The following NME7 variants were observed in gnomAD, a reference collection of about 807,000 sequenced individuals.
NME7 encodes nucleoside diphosphate kinase 7.
In NME7, 41 loss-of-function variants were observed where a neutral mutation model predicts 49.1. That is an observed-to-expected ratio of 0.83 (90% CI 0.65 to 1.08). The LOEUF (loss-of-function observed/expected upper bound fraction) is 1.08. Ranked by LOEUF, NME7 falls within the 50% of genes least tolerant of loss-of-function variation. The pLI, the probability that NME7 is intolerant of heterozygous loss-of-function variation, is 0.00. For synonymous variants in NME7, 139 were observed against 150.6 expected (o/e 0.92, Z 0.56); for missense variants, 423 against 463.4 (o/e 0.91, Z 0.80).
At chr1:169,279,347 C>T (rs36179730) in intron 7 of NME7, among the ~76,000 whole-genome samples, 10,655 of 152,244 alleles carry the variant, frequency 0.07, 1,481 homozygotes, top group East Asian at 0.66. Context: ...CCACCCAGTT[C>T]GAGCTTCCAG....
chr1:169,329,630 T>C (rs577382009), intron 1 of NME7, among the ~76,000 whole-genome samples: 9 of 151,980 alleles, frequency 5.9e-5, no homozygotes, highest in Non-Finnish European at 1.2e-4. Context: ...AGACAGGTTA[T>C]TTGAAAATAC....
intron 11 of NME7, among the ~76,000 whole-genome samples, chr1:169,134,746 A>G (rs1658374501): frequency 6.6e-6 from 1 of 152,162 alleles, no homozygotes; most frequent in South Asian, 2.1e-4. Flanking sequence ...TTTTCCATTT[A>G]TAGCAGTAAA....
intron 10 of NME7, among the ~76,000 whole-genome samples, chr1:169,188,584 A>G (rs1302870283): frequency 6.6e-6 from 1 of 152,354 alleles, no homozygotes; most frequent in Middle Eastern, 3.4e-3. Context: ...GCATGTGGAC[A>G]TACAATAACC....
intron 10 of NME7, among the ~76,000 whole-genome samples, chr1:169,219,062 T>C (rs1661063092): frequency 6.6e-6 from 1 of 152,174 alleles, no homozygotes; most frequent in Non-Finnish European, 1.5e-5. Flanking sequence ...CTTTCCTTCT[T>C]TGCCAAGCCA....
At chr1:169,338,717 T>C (rs1395295896) in intron 1 of NME7, among the ~76,000 whole-genome samples, 1 of 152,314 alleles carries the variant, frequency 6.6e-6, no homozygotes, top group East Asian at 1.9e-4. Flanking sequence ...TTATGAAGTC[T>C]TCCCAGACCA....
At chr1:169,206,211 A>G (rs1177365409) in intron 10 of NME7, among the ~76,000 whole-genome samples, 1 of 152,120 alleles carries the variant, frequency 6.6e-6, no homozygotes, top group Non-Finnish European at 1.5e-5. Flanking sequence ...CTGTGAAGAT[A>G]GATTTTATTG....
intron 1 of NME7, among the ~76,000 whole-genome samples, chr1:169,367,268 T>TG (rs1439704483): frequency 9.2e-5 from 14 of 152,104 alleles, no homozygotes; most frequent in Non-Finnish European, 2.9e-5. Context: ...CGTGGGGGCG[T>TG]GGGGCAGTGC....
chr1:169,195,089 A>T (rs553771284), intron 10 of NME7, among the ~76,000 whole-genome samples: 8 of 152,358 alleles, frequency 5.3e-5, no homozygotes, highest in African/African-American at 1.9e-4. Flanking sequence ...CATTATATGC[A>T]ATTATAATTT....
intron 7 of NME7, among the ~76,000 whole-genome samples, chr1:169,248,314 C>A (rs1356623728): frequency 6.6e-6 from 1 of 151,896 alleles, no homozygotes; most frequent in Non-Finnish European, 1.5e-5. Flanking sequence ...TATTTGCCCA[C>A]ATTTTGATGG....
intron 10 of NME7, among the ~76,000 whole-genome samples, chr1:169,228,886 C>A (rs1043151590): frequency 2.0e-5 from 3 of 152,134 alleles, no homozygotes; most frequent in African/African-American, 7.2e-5. Context: ...ACAGAGTCAC[C>A]TTGTAATCAT....
chr1:169,148,052 G>C (rs1469710751), intron 11 of NME7, among the ~76,000 whole-genome samples: 1 of 151,796 alleles, frequency 6.6e-6, no homozygotes, highest in Non-Finnish European at 1.5e-5. Context: ...GCCCAGGCTG[G>C]AGTGCAGTGC....
chr1:169,205,941 T>C (rs910024132), intron 10 of NME7, among the ~76,000 whole-genome samples: 1 of 152,120 alleles, frequency 6.6e-6, no homozygotes, highest in Non-Finnish European at 1.5e-5. Flanking sequence ...CTAAGCATAC[T>C]CCAGCTTTGG....
intron 1 of NME7, among the ~76,000 whole-genome samples, chr1:169,346,140 C>T (rs1207185226): frequency 2.6e-5 from 4 of 152,184 alleles, no homozygotes; most frequent in African/African-American, 9.7e-5. Flanking sequence ...AACCTCTCTA[C>T]TTCCATCTTT....
chr1:169,303,500 A>AGTGCAGT (rs1651048291), intron 4 of NME7: 1 of 154,316 alleles, frequency 6.5e-6, no homozygotes, highest in African/African-American at 2.7e-5. Context: ...CCCAGGCCAG[A>AGTGCAGT]GTGCAGTGGC....
At chr1:169,312,993 G>A (rs1200789314) in intron 3 of NME7, among the ~76,000 whole-genome samples, 1 of 152,104 alleles carries the variant, frequency 6.6e-6, no homozygotes, top group Non-Finnish European at 1.5e-5. Context: ...AGCATAAAGT[G>A]TATATCTGCC....
chr1:169,237,151 C>T (rs759589951), intron 8 of NME7, among the ~76,000 whole-genome samples: 7 of 151,968 alleles, frequency 4.6e-5, no homozygotes, highest in Non-Finnish European at 7.4e-5. Flanking sequence ...CTAGAATACA[C>T]TAACTCCAAA....
intron 7 of NME7, among the ~76,000 whole-genome samples, chr1:169,250,050 C>T (rs760141815): frequency 2.7e-4 from 41 of 151,998 alleles, no homozygotes; most frequent in Non-Finnish European, 5.3e-4. Context: ...TAGGATTGGT[C>T]CCAGTTCTCT....
intron 6 of NME7, among the ~76,000 whole-genome samples, chr1:169,295,286 T>C (rs774083383): frequency 1.3e-4 from 20 of 152,162 alleles, no homozygotes; most frequent in Non-Finnish European, 1.3e-4. Flanking sequence ...CACTACAAGA[T>C]ATGCTAAAAT....
At chr1:169,334,899 G>C (rs1652399121) in intron 1 of NME7, among the ~76,000 whole-genome samples, 1 of 151,900 alleles carries the variant, frequency 6.6e-6, no homozygotes, top group South Asian at 2.1e-4. Context: ...TCCAAAAGTG[G>C]GCAAAGGATA....
Sources: gnomAD v4.1 joint callset for allele counts (sites outside exome capture counted in the v4.1 genomes callset) on GRCh38, gnomAD v4.1.1 for gene constraint, MANE v1.5 for transcripts, NCBI Gene and HGNC (gene_info 2026-07-23, HGNC 2026-07-21) for gene names.